Variants in STAU1 observed in about 807,000 individuals in gnomAD.
STAU1 encodes the protein staufen double-stranded RNA binding protein 1, also known as double-stranded RNA-binding protein Staufen homolog 1.
In STAU1, 13 loss-of-function variants were observed where a neutral mutation model predicts 62.9. The observed-to-expected ratio is 0.21, with a 90% CI of 0.13 to 0.33. STAU1 has a LOEUF of 0.33. Among genes scored for constraint, STAU1 ranks in the 10% least tolerant of loss-of-function variants. The pLI is 1.00. For missense variants in STAU1, 571 were observed against 712.1 expected (o/e 0.80, Z 2.25); for synonymous variants, 269 against 265.1 (o/e 1.01, Z -0.14).
chr20:49,187,525 C>A (rs924054907), intron 1 of STAU1, among the ~76,000 whole-genome samples: 1 of 152,182 alleles, frequency 6.6e-6, no homozygotes, highest in African/African-American at 2.4e-5. Context: ...TTTACTGGGA[C>A]ACGCTGTGGG....
chr20:49,114,732 G>A lies in STAU1; in HGVS notation c.*146C>T. 1.3e-6 allele frequency: 1 copy of A among 778,094 alleles called. No individual in the cohort carries two copies. Among genetic ancestry groups the A allele is most frequent in the Non-Finnish European group, 2.2e-6 (1 of 464,454 alleles). 48.2% of individuals were successfully genotyped at this position (778,094 alleles called of 1,614,324 possible). ...GCCACAGCCGCCTCCTTGTGTTTCT[G>A]TTGTCTTCCCTGCTGCTGCCCACAT... On this transcript the variant is annotated 3_prime_UTR_variant, in exon 14 of 14. Transcript: ENST00000371856.
chr20:49,213,672 G>A, the STAU1 span, among the ~76,000 whole-genome samples: 98 of 152,346 alleles, frequency 6.4e-4, no homozygotes, highest in South Asian at 5.8e-3. Flanking sequence ...GTTTCAGGAA[G>A]CAGGTAAATG....
At chr20:49,218,995 C>G in the STAU1 span, among the ~76,000 whole-genome samples, 1 of 115,216 alleles carries the variant, frequency 8.7e-6, no homozygotes, top group Non-Finnish European at 1.6e-5. Flanking sequence ...GCCTGGGCGA[C>G]AGAGCCAAAC....
chr20:49,218,003 A>G, the STAU1 span, among the ~76,000 whole-genome samples: 901 of 150,486 alleles, frequency 6.0e-3, 10 homozygotes, highest in African/African-American at 0.021. Flanking sequence ...CCTCCCGAGT[A>G]GCTGGGATTA....
chr20:49,208,560 G>A, the STAU1 span, among the ~76,000 whole-genome samples: 1 of 151,804 alleles, frequency 6.6e-6, no homozygotes, highest in African/African-American at 2.4e-5. Context: ...GGAGACCAAG[G>A]CAGGAGGATT....
At chr20:49,118,294 A>C in intron 10 of STAU1, 39 bp downstream of exon 10, 1 of 1,578,310 alleles carries the variant, frequency 6.3e-7, no homozygotes, top group Non-Finnish European at 8.7e-7. Context: ...AAATCCCAGA[A>C]TCACGTTCAG....
intron 13 of STAU1, 27 bp downstream of exon 13, chr20:49,115,755 C>CGCCTTCCCCTTCATCAGT: frequency 6.3e-7 from 1 of 1,588,452 alleles, no homozygotes; most frequent in Non-Finnish European, 8.6e-7. Context: ...CCATCATCAG[C>CGCCTTCCCCTTCATCAGT]GCCTTCCCCT....
At position 49,188,288 on chromosome 20, in the gene STAU1, A is replaced by AGCGGGAGCCGAGAGAGAC. The variant is rs1474716689; in HGVS notation, c.-350_-333dup. 7.2e-5 allele frequency: 11 copies of AGCGGGAGCCGAGAGAGAC among 151,958 alleles called. No homozygotes were observed. The highest frequency in any genetic ancestry group is 2.1e-4 in the South Asian group (1 of 4,852). The allele number at this position is 151,958 out of a possible 1,614,324, so 9.4% of individuals were successfully genotyped here. On this transcript the variant is annotated 5_prime_UTR_variant, in exon 1 of 14. Coordinates refer to ENST00000371856, the MANE Select transcript of STAU1 (RefSeq NM_017453.4). ...CCGGGGGGGGGAGGCGGTCAAAGGA[A>AGCGGGAGCCGAGAGAGAC]GCGGGAGCCGAGAGAGACGCGGCAG...
chr20:49,118,489 C>T, intron 9 of STAU1, 81 bp from the exon 10 acceptor site: 1 of 1,103,708 alleles, frequency 9.1e-7, no homozygotes, highest in Non-Finnish European at 1.3e-6. Flanking sequence ...TCTAAATCTA[C>T]ACAAAGTCCA....
intron 3 of STAU1, among the ~76,000 whole-genome samples, chr20:49,156,715 AT>A (rs2093362981): frequency 6.6e-6 from 1 of 152,224 alleles, no homozygotes; most frequent in East Asian, 1.9e-4. Context: ...GAAACCTGAC[AT>A]TGACTGTAAT....
chr20:49,180,324 T>C (rs1363003516), intron 1 of STAU1, among the ~76,000 whole-genome samples: 2 of 79,528 alleles, frequency 2.5e-5, no homozygotes, highest in African/African-American at 1.3e-4. Context: ...CAGTTCTTTT[T>C]TTTTTTTTCC....
the STAU1 span, among the ~76,000 whole-genome samples, chr20:49,213,813 T>G: frequency 2.6e-5 from 4 of 152,114 alleles, no homozygotes; most frequent in Admixed American, 2.6e-4. Flanking sequence ...GTATAAGCAA[T>G]CAAGTAAAAT....
At chr20:49,184,942 CAA>C (rs1192613967) in intron 1 of STAU1, among the ~76,000 whole-genome samples, 5 of 152,114 alleles carry the variant, frequency 3.3e-5, no homozygotes, top group African/African-American at 1.2e-4. Flanking sequence ...AGTTATGCAA[CAA>C]AGACATTTAT....
Position 49,123,215 on chromosome 20 carries a change from A to G in STAU1, c.843T>C (p.Tyr281=), listed in dbSNP as rs766630893. The G allele has an allele frequency of 4.3e-6, 7 of 1,614,024 alleles. No homozygotes were observed. Among genetic ancestry groups the G allele is most frequent in the Non-Finnish European group, 5.1e-6 (6 of 1,180,024 alleles). The change falls in exon 8 of 14, where the codon TAT becomes TAC. Residue 281 remains tyrosine (Y), a synonymous_variant. Transcript: ENST00000371856. ...GGCTAATCGGATTGATCCCCTGGCC[A>G]TATTCTGGGCTTGTCTGTGGCTGAG... ...PIVKPQTSPE[Y]GQGINPISRL... is the part of the protein sequence containing the mutation.
chr20:49,149,301 C>G (rs566423424), intron 5 of STAU1, among the ~76,000 whole-genome samples: 1 of 145,596 alleles, frequency 6.9e-6, no homozygotes, highest in East Asian at 2.1e-4. Flanking sequence ...CCAGCAAGAA[C>G]AACAAAAGCA....
intron 6 of STAU1, among the ~76,000 whole-genome samples, chr20:49,128,195 G>A (rs981445940): frequency 9.2e-5 from 14 of 151,924 alleles, no homozygotes; most frequent in Middle Eastern, 3.4e-3. Flanking sequence ...GTGTGGTGGC[G>A]TGTGCCTGTA....
At chr20:49,217,859 A>AAAAAT in the STAU1 span, among the ~76,000 whole-genome samples, 27 of 151,370 alleles carry the variant, frequency 1.8e-4, no homozygotes, top group African/African-American at 5.3e-4. Context: ...AAATAAAAAT[A>AAAAAT]AAAATAAAAT....
At chr20:49,116,096 T>C (rs370255863) in intron 12 of STAU1, among the ~76,000 whole-genome samples, 8 of 152,344 alleles carry the variant, frequency 5.3e-5, no homozygotes, top group East Asian at 1.9e-4. Flanking sequence ...TTTTTCCTTC[T>C]AGTATTTTTA....
intron 8 of STAU1, among the ~76,000 whole-genome samples, chr20:49,121,563 C>T (rs571432421): frequency 6.6e-6 from 1 of 152,134 alleles, no homozygotes; most frequent in Non-Finnish European, 1.5e-5. Context: ...ATAACACTAT[C>T]GTTGGTAACT....
Sources: allele counts gnomAD v4.1 joint callset (sites outside exome capture counted in the v4.1 genomes callset), GRCh38; gene constraint gnomAD v4.1.1; transcripts MANE v1.5; gene names NCBI Gene and HGNC (gene_info 2026-07-23, HGNC 2026-07-21).